The following ARHGAP10 variants were observed in gnomAD, a reference collection of about 807,000 sequenced individuals.
ARHGAP10 encodes rho GTPase-activating protein 10.
Under a neutral mutation model 108.6 loss-of-function variants are expected in ARHGAP10, and 87 were observed. The ratio of observed to expected loss-of-function variants is 0.80; its 90% confidence interval spans 0.67 to 0.96. ARHGAP10 has a LOEUF of 0.96. Among genes scored for constraint, ARHGAP10 ranks in the 40% least tolerant of loss-of-function variants. The pLI, the probability that ARHGAP10 is intolerant of heterozygous loss-of-function variation, is 0.00. For synonymous variants in ARHGAP10, 347 were observed against 341.1 expected, an observed-to-expected ratio of 1.02 and a Z score of -0.19; for missense variants, 939 against 954.5, an observed-to-expected ratio of 0.98 and a Z score of 0.21.
chr4:147,741,892 C>T (rs928551655), intron 1 of ARHGAP10, among the ~76,000 whole-genome samples: 2 of 151,920 alleles, frequency 1.3e-5, no homozygotes, highest in Non-Finnish European at 1.5e-5. Flanking sequence ...GGAGTCACAC[C>T]CCAAGTTGCT....
intron 1 of ARHGAP10, among the ~76,000 whole-genome samples, chr4:147,775,487 A>G (rs1203009507): frequency 6.6e-6 from 1 of 152,202 alleles, no homozygotes; most frequent in Non-Finnish European, 1.5e-5. Flanking sequence ...GAGCTGCATT[A>G]GGGGCCTATC....
At chr4:148,059,738 A>G (rs1324796452) in intron 20 of ARHGAP10, among the ~76,000 whole-genome samples, 1 of 152,124 alleles carries the variant, frequency 6.6e-6, no homozygotes, top group East Asian at 1.9e-4. Context: ...GCGAGCTACC[A>G]AATTAGCCTA....
rs1008379639 is a variant in ARHGAP10, at chr4:147,998,933, AAGAAG to A, written c.1717-24326_1717-24322del. Among the ~76,000 whole-genome samples, 11 of 152,346 alleles carry A rather than the reference AAGAAG, an allele frequency of 7.2e-5. 1 individual carries two copies. The highest frequency in any genetic ancestry group is 2.6e-4 in the African/African-American group (11 of 41,572). On this transcript the variant is annotated intron_variant, in intron 18 of 22. Coordinates refer to ENST00000336498, the MANE Select transcript of ARHGAP10 (RefSeq NM_024605.4). ...AACTATTGCCCTGGAAGAACTAGACAAGAAGAGAGAAGAGAGGGAAACGAGGTGGT... is the reference window on the plus strand; with the variant it reads ...AACTATTGCCCTGGAAGAACTAGACAAGAGAAGAGAGGGAAACGAGGTGGT...
intron 1 of ARHGAP10, among the ~76,000 whole-genome samples, chr4:147,790,927 T>G (rs143013564): frequency 2.6e-5 from 4 of 152,252 alleles, no homozygotes; most frequent in African/African-American, 9.6e-5. Flanking sequence ...CTGTGACCCC[T>G]CCTCATCCTG....
chr4:147,933,393 C>T (rs1275939273), intron 13 of ARHGAP10, among the ~76,000 whole-genome samples: 2 of 152,166 alleles, frequency 1.3e-5, no homozygotes, highest in Admixed American at 6.5e-5. Context: ...TGTGCCAGTC[C>T]CTGAATGCTC....
chr4:147,876,719 G>T (rs1735079676), intron 8 of ARHGAP10, among the ~76,000 whole-genome samples: 2 of 152,178 alleles, frequency 1.3e-5, no homozygotes, highest in African/African-American at 4.8e-5. Flanking sequence ...CATCACTGTT[G>T]CCTTTGAGAG....
chr4:148,022,714 G>C (rs553148322), intron 18 of ARHGAP10, among the ~76,000 whole-genome samples: 9 of 152,060 alleles, frequency 5.9e-5, no homozygotes, highest in African/African-American at 1.9e-4. Flanking sequence ...GGGGTTAGAG[G>C]GTATTAAATG....
chr4:148,060,783 G>A (rs1404219533), intron 20 of ARHGAP10, among the ~76,000 whole-genome samples: 1 of 152,192 alleles, frequency 6.6e-6, no homozygotes, highest in African/African-American at 2.4e-5. Flanking sequence ...AGAAACTTAA[G>A]TCTACATGGG....
intron 1 of ARHGAP10, among the ~76,000 whole-genome samples, chr4:147,780,979 GA>G (rs1456146960): frequency 1.3e-5 from 2 of 152,164 alleles, no homozygotes; most frequent in Non-Finnish European, 2.9e-5. Flanking sequence ...GAGAATGAGA[GA>G]AGACGCAAGG....
rs114416092 is a variant in ARHGAP10, at chr4:147,824,352, A to G, written c.312+1395A>G. On this transcript the variant is annotated intron_variant, in intron 3 of 22. Transcript: ENST00000336498. ...AAAAAAAATACGGATTCTTTTTTCT[A>G]TATTCTTGAAAATGAGTACTATCTA... 7.5e-3 allele frequency among the ~76,000 whole-genome samples: 1,137 copies of G among 151,798 alleles called. 13 individuals carry two copies. Among genetic ancestry groups the G allele is most frequent in the African/African-American group, 0.026 (1,089 of 41,348 alleles).
At chr4:148,048,976 A>G (rs1303546068) in intron 20 of ARHGAP10, among the ~76,000 whole-genome samples, 2 of 150,060 alleles carry the variant, frequency 1.3e-5, no homozygotes, top group African/African-American at 4.9e-5. Context: ...TTTTTTTTTA[A>G]TGGAGACTTT....
chr4:147,799,959 T>A (rs1047663229), intron 1 of ARHGAP10, among the ~76,000 whole-genome samples: 1 of 152,142 alleles, frequency 6.6e-6, no homozygotes, highest in African/African-American at 2.4e-5. Context: ...TTAAATCTTT[T>A]GTTTTAGCAG....
chr4:147,792,915 C>T (rs537817913), intron 1 of ARHGAP10, among the ~76,000 whole-genome samples: 57 of 152,122 alleles, frequency 3.7e-4, no homozygotes, highest in Admixed American at 1.6e-3. Context: ...TTTGGGAGGC[C>T]GAGGCAGGCG....
At chr4:147,783,178 TTAA>T (rs1730630285) in intron 1 of ARHGAP10, among the ~76,000 whole-genome samples, 1 of 82,582 alleles carries the variant, frequency 1.2e-5, no homozygotes, top group Non-Finnish European at 3.5e-5. Context: ...ATATAACACA[TTAA>T]ATTATATATT....
chr4:148,009,897 G>T lies in ARHGAP10; in HGVS notation c.1717-13366G>T, dbSNP rs576256644. Among the ~76,000 whole-genome samples the T allele has an allele frequency of 2.6e-5, 4 of 152,306 alleles. No individual in the cohort carries two copies. The South Asian group carries it at 8.3e-4, about 32-fold the overall frequency. On this transcript the variant is annotated intron_variant, in intron 18 of 22. Coordinates refer to ENST00000336498, the MANE Select transcript of ARHGAP10 (RefSeq NM_024605.4). ...CGTAGGTGACTTTATTCAGAACGTT[G>T]TGAAGGCTGCTTTTGTGAAACCTCA...
intron 3 of ARHGAP10, among the ~76,000 whole-genome samples, chr4:147,829,795 C>T (rs749602390): frequency 6.6e-6 from 1 of 152,188 alleles, no homozygotes; most frequent in Non-Finnish European, 1.5e-5. Flanking sequence ...CTTCATATTG[C>T]GTTTACTTCT....
At chr4:148,040,046 G>A (rs1361612654) in intron 19 of ARHGAP10, among the ~76,000 whole-genome samples, 1 of 152,202 alleles carries the variant, frequency 6.6e-6, no homozygotes, top group Non-Finnish European at 1.5e-5. Flanking sequence ...CATGGTTAGG[G>A]TGTGTTGGAT....
chr4:147,997,407 G>A (rs1050228977), intron 18 of ARHGAP10, among the ~76,000 whole-genome samples: 1 of 152,234 alleles, frequency 6.6e-6, no homozygotes, highest in Admixed American at 6.5e-5. Flanking sequence ...CTTTAAGGGA[G>A]CTTGCTGAGC....
At chr4:147,918,971 A>G (rs140629700) in intron 13 of ARHGAP10, among the ~76,000 whole-genome samples, 261 of 152,344 alleles carry the variant, frequency 1.7e-3, no homozygotes, top group African/African-American at 6.1e-3. Context: ...TAGAAATTAC[A>G]TAAGATTGGA....
Sources: gnomAD v4.1 joint callset for allele counts (sites outside exome capture counted in the v4.1 genomes callset) on GRCh38, gnomAD v4.1.1 for gene constraint, MANE v1.5 for transcripts, NCBI Gene and HGNC (gene_info 2026-07-23, HGNC 2026-07-21) for gene names.